Variants in ZRANB3 observed in about 807,000 individuals in gnomAD.
The protein encoded by ZRANB3 is DNA annealing helicase and endonuclease ZRANB3.
Under a neutral mutation model 133.8 loss-of-function variants are expected in ZRANB3, and 125 were observed. The observed-to-expected ratio is 0.93, with a 90% CI of 0.81 to 1.08. The LOEUF (loss-of-function observed/expected upper bound fraction) is 1.08. Among genes scored for constraint, ZRANB3 ranks in the 50% least tolerant of loss-of-function variants. ZRANB3 has a pLI of 0.00. For missense variants in ZRANB3, 1,229 were observed against 1,275.5 expected (o/e 0.96, Z 0.56); for synonymous variants, 387 against 432.7 (o/e 0.89, Z 1.31).
At chr2:135,230,977 T>C (rs1694987924) in intron 12 of ZRANB3, 50 bp from the exon 13 acceptor site, 1 of 1,471,836 alleles carries the variant, frequency 6.8e-7, no homozygotes. Context: ...TCTAATATGT[T>C]CTTCTTACAT....
intron 9 of ZRANB3, among the ~76,000 whole-genome samples, chr2:135,272,159 TA>T (rs1433900611): frequency 4.6e-5 from 7 of 152,222 alleles, no homozygotes; most frequent in Non-Finnish European, 1.0e-4. Flanking sequence ...CAATGCCTTG[TA>T]TATAGCAGAA....
intron 2 of ZRANB3, among the ~76,000 whole-genome samples, chr2:135,409,437 G>A (rs893822446): frequency 3.3e-5 from 5 of 149,848 alleles, no homozygotes; most frequent in East Asian, 2.0e-4. Context: ...ATCCAACATC[G>A]CTTTATGATA....
intron 3 of ZRANB3, among the ~76,000 whole-genome samples, chr2:135,381,212 C>A (rs755765522): frequency 7.2e-5 from 11 of 152,188 alleles, no homozygotes; most frequent in Admixed American, 2.0e-4. Context: ...TATCCCATGC[C>A]TGGCTCGCAG....
At chr2:135,254,840 T>C (rs1176636634) in intron 12 of ZRANB3, among the ~76,000 whole-genome samples, 1 of 151,632 alleles carries the variant, frequency 6.6e-6, no homozygotes, top group African/African-American at 2.4e-5. Flanking sequence ...AACCTCCACC[T>C]CCCGGGTTTA....
At chr2:135,407,851 G>C (rs61691355) in intron 2 of ZRANB3, among the ~76,000 whole-genome samples, 1,842 of 104,084 alleles carry the variant, frequency 0.018, 122 homozygotes, top group African/African-American at 0.069. Flanking sequence ...TACCACGTTA[G>C]ACCTAAAACC....
At chr2:135,203,203 C>A (rs569042275) in intron 19 of ZRANB3, among the ~76,000 whole-genome samples, 20 of 151,998 alleles carry the variant, frequency 1.3e-4, no homozygotes, top group African/African-American at 4.8e-4. Context: ...GAAAAAATTA[C>A]AAGAAAATAT....
chr2:135,491,172 A>G (rs1209151842), intron 2 of ZRANB3, among the ~76,000 whole-genome samples: 1 of 152,192 alleles, frequency 6.6e-6, no homozygotes, highest in Non-Finnish European at 1.5e-5. Context: ...CGAGGGAAGC[A>G]ATGAAAATAC....
chr2:135,329,202 G>GT (rs1684005860), intron 6 of ZRANB3, among the ~76,000 whole-genome samples: 1 of 151,986 alleles, frequency 6.6e-6, no homozygotes, highest in Non-Finnish European at 1.5e-5. Context: ...GGTCTAACAT[G>GT]TAAGTCTTTA....
intron 20 of ZRANB3, among the ~76,000 whole-genome samples, chr2:135,201,823 AC>A (rs1283420205): frequency 1.3e-5 from 2 of 152,202 alleles, no homozygotes; most frequent in African/African-American, 4.8e-5. Flanking sequence ...TCCCTGCACC[AC>A]ATTGGCACCC....
chr2:135,337,903 G>C (rs1684440227), intron 6 of ZRANB3, among the ~76,000 whole-genome samples: 1 of 151,988 alleles, frequency 6.6e-6, no homozygotes, highest in Admixed American at 6.6e-5. Flanking sequence ...TCCCTGTTTT[G>C]CTCATGATTT....
chr2:135,303,373 C>G (rs1271964436), intron 8 of ZRANB3, among the ~76,000 whole-genome samples: 1 of 152,102 alleles, frequency 6.6e-6, no homozygotes, highest in African/African-American at 2.4e-5. Flanking sequence ...TTCTATGACT[C>G]ATTTCAAGTT....
At chr2:135,238,453 G>T (rs900303314) in intron 12 of ZRANB3, among the ~76,000 whole-genome samples, 9 of 150,746 alleles carry the variant, frequency 6.0e-5, no homozygotes, top group African/African-American at 2.2e-4. Context: ...GAGTACAATG[G>T]CGCAATCTTG....
At chr2:135,512,007 G>T in intron 1 of ZRANB3, 1 of 652,830 alleles carries the variant, frequency 1.5e-6, no homozygotes. Flanking sequence ...CGGCTGAGCT[G>T]GAGAGGAACT....
chr2:135,293,500 G>A (rs1442886937), intron 8 of ZRANB3, among the ~76,000 whole-genome samples: 2 of 152,126 alleles, frequency 1.3e-5, no homozygotes, highest in African/African-American at 4.8e-5. Context: ...TTTGGGCTGA[G>A]ACGATGGGGT....
intron 2 of ZRANB3, among the ~76,000 whole-genome samples, chr2:135,425,981 A>C (rs568567177): frequency 6.6e-6 from 1 of 152,274 alleles, no homozygotes; most frequent in East Asian, 1.9e-4. Context: ...AGATCCAAAT[A>C]AACACAATCA....
intron 2 of ZRANB3, among the ~76,000 whole-genome samples, chr2:135,425,344 A>G (rs1049893327): frequency 1.3e-5 from 2 of 152,216 alleles, no homozygotes; most frequent in African/African-American, 4.8e-5. Flanking sequence ...AAATGATAGA[A>G]TACTTAATGT....
intron 8 of ZRANB3, among the ~76,000 whole-genome samples, chr2:135,309,650 C>A (rs1682877991): frequency 6.6e-6 from 1 of 152,002 alleles, no homozygotes; most frequent in Non-Finnish European, 1.5e-5. Context: ...TAAAAGGACA[C>A]AAAATACCTA....
At chr2:135,348,308 C>A (rs534907475) in intron 5 of ZRANB3, among the ~76,000 whole-genome samples, 2 of 151,504 alleles carry the variant, frequency 1.3e-5, no homozygotes, top group African/African-American at 4.8e-5. Flanking sequence ...AGAGAACTCA[C>A]ACTTCCTAAT....
chr2:135,330,919 G>A (rs555903631), intron 6 of ZRANB3, among the ~76,000 whole-genome samples: 24 of 151,982 alleles, frequency 1.6e-4, no homozygotes, highest in African/African-American at 4.6e-4. Context: ...TTTTTATTGC[G>A]TCTATTTGAT....
Sources: gnomAD v4.1 joint callset for allele counts (sites outside exome capture counted in the v4.1 genomes callset) on GRCh38, gnomAD v4.1.1 for gene constraint, MANE v1.5 for transcripts, NCBI Gene and HGNC (gene_info 2026-07-23, HGNC 2026-07-21) for gene names.